Variants in SETDB2 observed in about 807,000 individuals in gnomAD.
The protein encoded by SETDB2 is histone-lysine N-methyltransferase SETDB2.
SETDB2 carries 56 observed loss-of-function variants against 82.5 expected under a neutral mutation model. That is an observed-to-expected ratio of 0.68 (90% CI 0.55 to 0.85). The LOEUF (loss-of-function observed/expected upper bound fraction) is 0.85. SETDB2 is among the 40% of genes least tolerant of loss of function. SETDB2 has a pLI of 0.00. For synonymous variants in SETDB2, 272 were observed against 284.9 expected, an observed-to-expected ratio of 0.95 and a Z score of 0.46; for missense variants, 677 against 816.4, an observed-to-expected ratio of 0.83 and a Z score of 2.08.
intron 5 of SETDB2, among the ~76,000 whole-genome samples, chr13:49,475,491 ATT>A (rs879566250): frequency 6.9e-6 from 1 of 145,910 alleles, no homozygotes; most frequent in Non-Finnish European, 1.5e-5. Context: ...CTTTTCACGG[ATT>A]TTTTTTTTTT....
chr13:49,472,071 A>G (rs1958261683), intron 5 of SETDB2, among the ~76,000 whole-genome samples: 1 of 150,624 alleles, frequency 6.6e-6, no homozygotes, highest in Non-Finnish European at 1.5e-5. Flanking sequence ...GCACCCAACC[A>G]TTTTTTTTAA....
At position 49,485,725 on chromosome 13, in the gene SETDB2, T is replaced by C; in HGVS notation, c.1576+2T>C. On this transcript the variant is annotated splice_donor_variant, in intron 11 of 13. Transcript: ENST00000611815. LOFTEE classifies it high-confidence loss of function. ...ACTCTAAAACCAAGGGAGCACAAAGTAGGCTTTGTTTCTTCTGTGAATGCC... is the reference window on the plus strand; with the variant it reads ...ACTCTAAAACCAAGGGAGCACAAAGCAGGCTTTGTTTCTTCTGTGAATGCC... The C allele has an allele frequency of 6.2e-7, 1 of 1,612,190 alleles. No individual in the cohort carries two copies. Among genetic ancestry groups the C allele is most frequent in the Non-Finnish European group, 8.5e-7 (1 of 1,178,394 alleles).
At chr13:49,459,513 G>A (rs1253272877) in intron 2 of SETDB2, among the ~76,000 whole-genome samples, 1 of 152,106 alleles carries the variant, frequency 6.6e-6, no homozygotes, top group African/African-American at 2.4e-5. Flanking sequence ...TTTAGCTTTT[G>A]ACAACTTATA....
chr13:49,455,106 C>A (rs1957858246), intron 2 of SETDB2, among the ~76,000 whole-genome samples: 1 of 152,034 alleles, frequency 6.6e-6, no homozygotes, highest in Non-Finnish European at 1.5e-5. Context: ...CATTGTCTTA[C>A]CTTGTTAGAA....
At chr13:49,485,346 G>A (rs1227012851) in intron 10 of SETDB2, among the ~76,000 whole-genome samples, 1 of 152,138 alleles carries the variant, frequency 6.6e-6, no homozygotes, top group Admixed American at 6.5e-5. Context: ...ATTAGAATTG[G>A]GGGATACAGA....
At position 49,463,290 on chromosome 13, in the gene SETDB2, C is replaced by T. The variant is rs568149592; in HGVS notation, c.208+2128C>T. 1.9e-3 allele frequency among the ~76,000 whole-genome samples: 292 copies of T among 152,202 alleles called. 1 individual carries two copies. Among genetic ancestry groups the T allele is most frequent in the African/African-American group, 6.8e-3 (284 of 41,536 alleles). On this transcript the variant is annotated intron_variant, in intron 4 of 13. Coordinates refer to ENST00000611815, the MANE Select transcript of SETDB2 (RefSeq NM_001160308.3). ...CCTCCCAAAGTGCTGGGATTACAGG[C>T]GTGAGCCACCGCGCCTGGTCAACTT...
intron 6 of SETDB2, among the ~76,000 whole-genome samples, chr13:49,479,215 A>T (rs925119951): frequency 8.7e-6 from 1 of 115,062 alleles, no homozygotes; most frequent in African/African-American, 3.1e-5. Context: ...TTTTTTTAAG[A>T]AGACCATATA....
At chr13:49,487,470 G>A (rs1958620035) in intron 11 of SETDB2, among the ~76,000 whole-genome samples, 1 of 152,024 alleles carries the variant, frequency 6.6e-6, no homozygotes, top group African/African-American at 2.4e-5. Context: ...TGAGCAAACA[G>A]GACTACAGGC....
chr13:49,492,868 G>A lies in SETDB2; in HGVS notation c.*1019G>A, dbSNP rs1958739182. 6.6e-6 allele frequency: 1 copy of A among 152,004 alleles called. No homozygotes were observed. Among genetic ancestry groups the A allele is most frequent in the Non-Finnish European group, 1.5e-5 (1 of 68,018 alleles). The allele number at this position is 152,004 out of a possible 1,614,324, so 9.4% of individuals were successfully genotyped here. Reference sequence around the variant, plus strand: ...CAGCTACTCAGGAGTGAGGTGGGAGGATCATTTGAGCTCAGAAGGTCAAGG... The same window carrying A: ...CAGCTACTCAGGAGTGAGGTGGGAGAATCATTTGAGCTCAGAAGGTCAAGG... On this transcript the variant is annotated 3_prime_UTR_variant, in exon 14 of 14. Coordinates refer to ENST00000611815, the MANE Select transcript of SETDB2 (RefSeq NM_001160308.3).
chr13:49,484,932 G>A (rs1958564533), intron 10 of SETDB2, among the ~76,000 whole-genome samples: 1 of 152,116 alleles, frequency 6.6e-6, no homozygotes, highest in Admixed American at 6.6e-5. Context: ...CTAGCTGGGT[G>A]GTATCTCCAT....
Position 49,494,632 on chromosome 13 carries a change from C to A in SETDB2, c.*2783C>A, listed in dbSNP as rs1248237814. The A allele has an allele frequency of 2.0e-5, 3 of 147,632 alleles. No homozygotes were observed. Among genetic ancestry groups the A allele is most frequent in the Admixed American group, 6.9e-5 (1 of 14,492 alleles). 9.1% of individuals were successfully genotyped at this position (147,632 alleles called of 1,614,324 possible). Reference sequence around the variant, plus strand: ...CAAGAAATACTCTTTCATCCTCCTGCATGGAGGGCAAAAAAAAATTTAAAA... The same window carrying A: ...CAAGAAATACTCTTTCATCCTCCTGAATGGAGGGCAAAAAAAAATTTAAAA... On this transcript the variant is annotated 3_prime_UTR_variant, in exon 14 of 14. Coordinates refer to ENST00000611815, the MANE Select transcript of SETDB2 (RefSeq NM_001160308.3).
intron 2 of SETDB2, among the ~76,000 whole-genome samples, chr13:49,452,923 A>G (rs1314344144): frequency 6.6e-6 from 1 of 152,176 alleles, no homozygotes; most frequent in Non-Finnish European, 1.5e-5. Flanking sequence ...AACTTGATCA[A>G]CAGAGCTTGA....
chr13:49,454,960 T>TA (rs1457669524), intron 2 of SETDB2, among the ~76,000 whole-genome samples: 2 of 152,146 alleles, frequency 1.3e-5, no homozygotes, highest in Non-Finnish European at 2.9e-5. Context: ...TGTTGATACT[T>TA]ACTGTAATAG....
intron 4 of SETDB2, among the ~76,000 whole-genome samples, chr13:49,461,391 G>A (rs975218670): frequency 5.9e-5 from 9 of 152,162 alleles, no homozygotes; most frequent in Non-Finnish European, 1.0e-4. Flanking sequence ...ATTAACAAAT[G>A]TGTGTCGTCT....
chr13:49,479,269 A>G (rs1322729990), intron 6 of SETDB2, among the ~76,000 whole-genome samples: 1 of 152,220 alleles, frequency 6.6e-6, no homozygotes, highest in Admixed American at 6.5e-5. Flanking sequence ...TTATATATAC[A>G]GGGAAGAGAA....
intron 2 of SETDB2, among the ~76,000 whole-genome samples, chr13:49,455,083 G>C (rs547490475): frequency 1.2e-4 from 19 of 152,194 alleles, no homozygotes; most frequent in African/African-American, 4.6e-4. Flanking sequence ...AAAAATATTA[G>C]TGAGAAGGAT....
intron 4 of SETDB2, among the ~76,000 whole-genome samples, chr13:49,467,434 G>A (rs1459346603): frequency 6.6e-6 from 1 of 151,990 alleles, no homozygotes; most frequent in Non-Finnish European, 1.5e-5. Flanking sequence ...GATCAAAAGA[G>A]ATACCCAGAT....
chr13:49,485,946 T>C (rs951704984), intron 11 of SETDB2: 2 of 631,494 alleles, frequency 3.2e-6, no homozygotes, highest in Non-Finnish European at 5.7e-6. Context: ...ATATTTATGT[T>C]TTTAAATAGT....
intron 4 of SETDB2, among the ~76,000 whole-genome samples, chr13:49,466,340 T>A (rs953886233): frequency 2.0e-5 from 3 of 151,152 alleles, no homozygotes; most frequent in African/African-American, 7.3e-5. Flanking sequence ...GAGGCTGAAG[T>A]GGAAGGGTAG....
Sources: gnomAD v4.1 joint callset for allele counts (sites outside exome capture counted in the v4.1 genomes callset) on GRCh38, gnomAD v4.1.1 for gene constraint, MANE v1.5 for transcripts, NCBI Gene and HGNC (gene_info 2026-07-23, HGNC 2026-07-21) for gene names.